The following DDX21 variants were observed in gnomAD, a reference collection of about 807,000 sequenced individuals.
DDX21 encodes the protein DExD-box helicase 21, also known as nucleolar RNA helicase 2.
DDX21 carries 18 observed loss-of-function variants against 90.0 expected under a neutral mutation model. The observed-to-expected ratio is 0.20, with a 90% CI of 0.14 to 0.30. DDX21 has a LOEUF of 0.30. Ranked by LOEUF, DDX21 falls within the 10% of genes least tolerant of loss-of-function variation. The pLI is 1.00. For synonymous variants in DDX21, 294 were observed against 318.0 expected (o/e 0.92, Z 0.80); for missense variants, 673 against 944.5 (o/e 0.71, Z 3.77).
rs542017943 is a variant in DDX21, at chr10:68,971,391, A to G, written c.1387-500A>G. ...TTAGCTATTCTCCTACCCACCCCCA[A>G]CTAATTTTATTTTTTTAAATTTTTT... is the stretch of plus-strand genomic sequence containing the variant. On this transcript the variant is annotated intron_variant, in intron 8 of 14. Coordinates refer to ENST00000354185, the MANE Select transcript of DDX21 (RefSeq NM_004728.4). 1.8e-3 allele frequency among the ~76,000 whole-genome samples: 273 copies of G among 151,878 alleles called. 1 individual carries two copies. The highest frequency in any genetic ancestry group is 6.4e-3 in the African/African-American group (264 of 41,418).
At chr10:68,981,445 GTTTTC>G (rs1347294261) in intron 13 of DDX21, 87 bp from the exon 14 acceptor site, 4 of 1,203,978 alleles carry the variant, frequency 3.3e-6, no homozygotes, top group East Asian at 2.4e-5. Flanking sequence ...TATGTTTTTT[GTTTTC>G]TTTTTTTTAA....
In DDX21 at chr10:68,960,261, C is replaced by G. The variant is rs199858257; in HGVS notation, c.531+12C>G. On this transcript the variant is annotated intron_variant, in intron 2 of 14. Coordinates refer to ENST00000354185, the MANE Select transcript of DDX21 (RefSeq NM_004728.4). ...GTGAGATAGAGCAGGTACATTTGCA[C>G]TTCATTGGGTAGAAGATATCTTTCA... is the stretch of plus-strand genomic sequence containing the variant. 3.6e-5 allele frequency: 57 copies of G among 1,584,216 alleles called. No homozygotes were observed. The Admixed American group carries it at 1.0e-3, about 28-fold the overall frequency.
Position 68,970,351 on chromosome 10 carries a change from GT to G in DDX21, c.1386+3del, listed in dbSNP as rs777704595. The G allele has an allele frequency of 2.0e-5, 33 of 1,613,016 alleles. No individual in the cohort carries two copies. Among genetic ancestry groups the G allele is most frequent in the Non-Finnish European group, 2.8e-5 (33 of 1,179,588 alleles). ...GTCCCAGAATTCAGCTATAAAGCAGGTTGGTCCTTCCCCTTATGCCAGCAAA... is the reference window on the plus strand; with the variant it reads ...GTCCCAGAATTCAGCTATAAAGCAGGTGGTCCTTCCCCTTATGCCAGCAAA... On this transcript the variant is annotated splice_donor_variant, in intron 8 of 14. Transcript: ENST00000354185. LOFTEE classifies it high-confidence loss of function.
Position 68,965,615 on chromosome 10 carries a change from CT to C in DDX21, c.904+125del, listed in dbSNP as rs989692933. ...TAGGATAGTCGTTTATGGGGATTTT[CT>C]TTTGCCATTGTTTAAACATGGTCAA... On this transcript the variant is annotated intron_variant, in intron 5 of 14. Coordinates refer to ENST00000354185, the MANE Select transcript of DDX21 (RefSeq NM_004728.4). 4.2e-6 allele frequency: 3 copies of C among 715,830 alleles called. No homozygotes were observed. In the African/African-American group the frequency reaches 5.4e-5, roughly 13 times the overall value. 44.3% of individuals were successfully genotyped at this position (715,830 alleles called of 1,614,324 possible).
In DDX21 at chr10:68,967,065, C is replaced by A; in HGVS notation, c.952C>A (p.Arg318Ser). The change falls in exon 6 of 15, where the codon CGT becomes AGT. Residue 318 changes from arginine to serine, a missense_variant. Transcript: ENST00000354185. ...TGATATCCTGGTTGGAACACCAGGT[C>A]GTATCAAAGACCACATACAGAATGG... ...GIDILVGTPG[R>S]IKDHIQNGKL... 1 of 1,611,542 alleles carries A rather than the reference C, an allele frequency of 6.2e-7. No homozygotes were observed. The highest frequency in any genetic ancestry group is 1.1e-5 in the South Asian group (1 of 90,886).
intron 12 of DDX21, among the ~76,000 whole-genome samples, chr10:68,978,143 C>G (rs951530544): frequency 2.0e-5 from 3 of 151,820 alleles, no homozygotes; most frequent in African/African-American, 7.3e-5. Flanking sequence ...ACCAATAATT[C>G]CCATGTTTAA....
At position 68,959,918 on chromosome 10, in the gene DDX21, T is replaced by G. The variant is rs1449240825; in HGVS notation, c.200T>G (p.Val67Gly). The change falls in exon 2 of 15, where the codon GTT becomes GGT. Residue 67 changes from valine (V) to glycine (G), a missense_variant. Around this residue, in one of 4 missense-constraint regions of DDX21, gnomAD observed 204 missense variants for 221.6 expected, o/e 0.92. Transcript: ENST00000354185. ...AAAAAGAAAGCAGAGCCTTCTGAAG[T>G]TGACATGAATTCTCCTAAATCCAAA... Reference protein sequence around the residue: ...QVKKKAEPSEVDMNSPKSKKA... With the variant: ...QVKKKAEPSEGDMNSPKSKKA... The G allele has an allele frequency of 5.6e-6, 9 of 1,609,116 alleles. No homozygotes were observed. The highest frequency in any genetic ancestry group is 4.0e-5 in the African/African-American group (3 of 74,572).
Position 68,981,565 on chromosome 10 carries a change from C to T in DDX21, c.2066C>T (p.Ser689Leu). The T allele has an allele frequency of 6.2e-7, 1 of 1,612,514 alleles. No individual in the cohort carries two copies. The highest frequency in any genetic ancestry group is 8.5e-7 in the Non-Finnish European group (1 of 1,179,420). ...GTTTGCTTTGATGTACCTACCGCAT[C>T]AGTAACAGAAATACAGGTATTCTTT... ...LGVCFDVPTA[S>L]VTEIQEKWHD... The change falls in exon 14 of 15, where the codon TCA (serine) becomes TTA (leucine). Residue 689 changes from serine to leucine, a missense_variant. This residue lies in a region of DDX21 where 225 missense variants were observed against 298.8 expected (regional missense o/e 0.75). Coordinates refer to ENST00000354185, the MANE Select transcript of DDX21 (RefSeq NM_004728.4).
intron 8 of DDX21, 112 bp downstream of exon 8, chr10:68,970,462 A>T: frequency 8.1e-6 from 8 of 988,340 alleles, no homozygotes; most frequent in Non-Finnish European, 9.8e-6. Context: ...AGTTTAGTTT[A>T]GTTTAGAAAT....
Position 68,983,351 on chromosome 10 carries a change from A to G in DDX21, c.*539A>G, listed in dbSNP as rs1280715204. On this transcript the variant is annotated 3_prime_UTR_variant, in exon 15 of 15. Coordinates refer to ENST00000354185, the MANE Select transcript of DDX21 (RefSeq NM_004728.4). ...TTCAAACTAATCTGGGTTGTAATAC[A>G]GTTTATACCAGTGTATGCTCTAGAC... The G allele has an allele frequency of 6.3e-6, 1 of 158,342 alleles. No homozygotes were observed. The highest frequency in any genetic ancestry group is 1.8e-4 in the East Asian group (1 of 5,540). 9.8% of individuals were successfully genotyped at this position (158,342 alleles called of 1,614,324 possible). A position where few individuals can be genotyped will look rare whatever the true frequency, so the allele number is the denominator to read the frequency against.
chr10:68,956,330 G>A lies in DDX21; in HGVS notation c.87+18G>A. 6.2e-7 allele frequency: 1 copy of A among 1,613,872 alleles called. No individual in the cohort carries two copies. On this transcript the variant is annotated intron_variant, in intron 1 of 14. Transcript: ENST00000354185. Reference sequence around the variant, plus strand: ...CCGAGGAGGTGAAACGGAGGGACCTGGGGCCAGGAGGGACGCTGAATGGAG... The same window carrying A: ...CCGAGGAGGTGAAACGGAGGGACCTAGGGCCAGGAGGGACGCTGAATGGAG...
intron 6 of DDX21, among the ~76,000 whole-genome samples, chr10:68,967,615 A>G (rs1329243569): frequency 6.6e-6 from 1 of 152,118 alleles, no homozygotes; most frequent in Non-Finnish European, 1.5e-5. Context: ...GATTTATCAT[A>G]TTACCACAAT....
chr10:68,959,619 G>A (rs1842846560), intron 1 of DDX21, among the ~76,000 whole-genome samples, 187 bp from the exon 2 acceptor site: 1 of 152,108 alleles, frequency 6.6e-6, no homozygotes, highest in Non-Finnish European at 1.5e-5. Context: ...GCTAAGAAGC[G>A]ATTTTAGAAA....
chr10:68,974,877 A>G, intron 11 of DDX21, 134 bp downstream of exon 11: 1 of 625,030 alleles, frequency 1.6e-6, no homozygotes, highest in Non-Finnish European at 2.7e-6. Context: ...TATGTTGCCC[A>G]GGCTGGTCTC....
Position 68,956,263 on chromosome 10 carries a change from C to A in DDX21, c.38C>A (p.Ser13Ter), listed in dbSNP as rs750357339. 6.2e-7 allele frequency: 1 copy of A among 1,614,186 alleles called. No individual in the cohort carries two copies. The highest frequency in any genetic ancestry group is 8.5e-7 in the Non-Finnish European group (1 of 1,180,030). ...CTCCGTAGTGACGCTGGTTTGGAAT[C>A]AGACACCGCAATGAAAAAAGGGGAG... ...GKLRSDAGLE[S>*]DTAMKKGETL... is the part of the protein sequence containing the mutation. The change falls in exon 1 of 15, where the codon TCA becomes TAA. Residue 13 changes from serine to a stop codon, truncating the protein, a stop_gained. Coordinates refer to ENST00000354185, the MANE Select transcript of DDX21 (RefSeq NM_004728.4). LOFTEE classifies it high-confidence loss of function.
At chr10:68,964,086 A>C in intron 4 of DDX21, 1 of 403,846 alleles carries the variant, frequency 2.5e-6, no homozygotes, top group South Asian at 1.8e-5. Flanking sequence ...GCGATAGAGC[A>C]AGACTCCGTC....
chr10:68,981,700 G>T, intron 14 of DDX21, 119 bp downstream of exon 14: 1 of 932,576 alleles, frequency 1.1e-6, no homozygotes, highest in African/African-American at 1.7e-5. Flanking sequence ...AGAGATAATC[G>T]ATAATTAAAT....
At chr10:68,969,146 A>G (rs1020529258) in intron 7 of DDX21, 25 bp downstream of exon 7, 1 of 1,588,554 alleles carries the variant, frequency 6.3e-7, no homozygotes, top group African/African-American at 1.4e-5. Flanking sequence ...TAGTTGCCAG[A>G]ATATAAAATT....
At chr10:68,965,212 G>GTAGTCTAA (rs1258362293) in intron 4 of DDX21, among the ~76,000 whole-genome samples, 165 bp from the exon 5 acceptor site, 2 of 152,176 alleles carry the variant, frequency 1.3e-5, no homozygotes, top group Non-Finnish European at 2.9e-5. Context: ...AAAGAATTTA[G>GTAGTCTAA]TAGAGTCTCA....
Sources: gnomAD v4.1 joint callset for allele counts (sites outside exome capture counted in the v4.1 genomes callset) on GRCh38, gnomAD v4.1.1 for gene constraint, gnomAD v4.1.1 regional missense constraint, MANE v1.5 for transcripts, NCBI Gene and HGNC (gene_info 2026-07-23, HGNC 2026-07-21) for gene names.